The following GPR180 variants were observed in gnomAD, a reference collection of about 807,000 sequenced individuals.
The protein encoded by GPR180 is integral membrane protein GPR180.
GPR180 carries 53 observed loss-of-function variants against 52.6 expected under a neutral mutation model. The observed-to-expected ratio is 1.01, with a 90% CI of 0.81 to 1.27. The LOEUF is 1.27. Among genes scored for constraint, GPR180 ranks in the 50% most tolerant of loss-of-function variants. The pLI, the probability that GPR180 is intolerant of heterozygous loss-of-function variation, is 0.00. For missense variants in GPR180, 533 were observed against 527.0 expected (o/e 1.01, Z -0.11); for synonymous variants, 200 against 193.1 (o/e 1.04, Z -0.30).
At position 94,612,235 on chromosome 13, in the gene GPR180, C is replaced by A. The variant is rs778593410; in HGVS notation, c.350C>A (p.Pro117Gln). Residue 117 changes from proline (P) to glutamine (Q), a missense_variant, in exon 3 of 9, where the codon CCG (proline) becomes CAG (glutamine). Transcript: ENST00000376958. ...TEHNLTVSQIPSPQTWHVFYA... is the reference protein window; with the variant it reads ...TEHNLTVSQIQSPQTWHVFYA... ...CATAATCTGACAGTGTCCCAGATTC[C>A]GTCTCCACAAACGTGGCATGTGTTT... is the stretch of plus-strand genomic sequence containing the variant. The A allele has an allele frequency of 3.7e-6, 6 of 1,614,014 alleles. No individual in the cohort carries two copies. The highest frequency in any genetic ancestry group is 5.1e-6 in the Non-Finnish European group (6 of 1,180,004).
At chr13:94,619,648 A>G in intron 5 of GPR180, 131 bp downstream of exon 5, 1 of 734,696 alleles carries the variant, frequency 1.4e-6, no homozygotes, top group South Asian at 1.8e-5. Context: ...ACAGGATTAC[A>G]GTTTAAGTTC....
At chr13:94,611,598 C>T (rs986546004) in intron 2 of GPR180, among the ~76,000 whole-genome samples, 3 of 152,070 alleles carry the variant, frequency 2.0e-5, no homozygotes, top group African/African-American at 4.8e-5. Flanking sequence ...TGGCACTTTC[C>T]TCAAGAATGC....
intron 1 of GPR180, among the ~76,000 whole-genome samples, chr13:94,602,491 T>A (rs1311190010): frequency 6.6e-6 from 1 of 151,010 alleles, no homozygotes; most frequent in Non-Finnish European, 1.5e-5. Context: ...CCTTTTTTTT[T>A]TTTTTTTTTT....
At position 94,633,296 on chromosome 13, in the gene GPR180, G is replaced by C. The variant is rs1046247370; in HGVS notation, c.*6125G>C. 1.3e-5 allele frequency: 2 copies of C among 152,026 alleles called. No homozygotes were observed. The highest frequency in any genetic ancestry group is 1.3e-4 in the Admixed American group (2 of 15,268). 9.4% of individuals were successfully genotyped at this position (152,026 alleles called of 1,614,324 possible). A position where few individuals can be genotyped will look rare whatever the true frequency, so the allele number is the denominator to read the frequency against. The stretch of plus-strand genomic sequence containing the variant: ...AAGTTTGGCTTAACTTCAGGCAGTT[G>C]GTGTCAGAAGCCATTGCAAATATCC... On this transcript the variant is annotated 3_prime_UTR_variant, in exon 9 of 9. Transcript: ENST00000376958.
chr13:94,622,454 G>C (rs1251827891), intron 6 of GPR180, among the ~76,000 whole-genome samples: 2 of 152,076 alleles, frequency 1.3e-5, no homozygotes, highest in African/African-American at 4.8e-5. Flanking sequence ...TCTTCAACAA[G>C]CCAGACAAGG....
In GPR180 at chr13:94,630,631, C is replaced by G. The variant is rs1171516032; in HGVS notation, c.*3460C>G. Reference sequence around the variant, plus strand: ...GTACCACTCTCTCACACACATATCCCAGCCTCATTGTCCTTCATCAAAAAA... The same window carrying G: ...GTACCACTCTCTCACACACATATCCGAGCCTCATTGTCCTTCATCAAAAAA... On this transcript the variant is annotated 3_prime_UTR_variant, in exon 9 of 9. Coordinates refer to ENST00000376958, the MANE Select transcript of GPR180 (RefSeq NM_180989.6). 3 of 152,222 alleles carry G rather than the reference C, an allele frequency of 2.0e-5. No homozygotes were observed. Among genetic ancestry groups the G allele is most frequent in the African/African-American group, 7.2e-5 (3 of 41,444 alleles). The allele number at this position is 152,222 out of a possible 1,614,324, so 9.4% of individuals were successfully genotyped here.
At chr13:94,615,559 G>A (rs1427818421) in intron 3 of GPR180, among the ~76,000 whole-genome samples, 2 of 152,194 alleles carry the variant, frequency 1.3e-5, no homozygotes, top group Non-Finnish European at 2.9e-5. Flanking sequence ...TCAGGCAAGT[G>A]TGATGCCGAT....
At chr13:94,603,421 A>T (rs1889585994) in intron 1 of GPR180, among the ~76,000 whole-genome samples, 1 of 152,200 alleles carries the variant, frequency 6.6e-6, no homozygotes, top group Non-Finnish European at 1.5e-5. Context: ...CATGTACTAA[A>T]TTCAGATTTC....
Position 94,632,116 on chromosome 13 carries a change from T to C in GPR180, c.*4945T>C, listed in dbSNP as rs1370188368. ...CTCAGTAGACTCTTAAGAGATTTGT[T>C]GTTCAATGTATTCATGACAGTGACT... On this transcript the variant is annotated 3_prime_UTR_variant, in exon 9 of 9. Transcript: ENST00000376958. 1 of 152,204 alleles carries C rather than the reference T, an allele frequency of 6.6e-6. No homozygotes were observed. The highest frequency in any genetic ancestry group is 1.5e-5 in the Non-Finnish European group (1 of 68,032). 9.4% of individuals were successfully genotyped at this position (152,204 alleles called of 1,614,324 possible).
intron 1 of GPR180, among the ~76,000 whole-genome samples, chr13:94,602,611 G>A (rs1889574817): frequency 1.3e-5 from 2 of 151,700 alleles, no homozygotes; most frequent in South Asian, 4.2e-4. Flanking sequence ...TGGCTACTAG[G>A]GCAGTAGATT....
chr13:94,624,649 C>A (rs1038459333), intron 7 of GPR180, among the ~76,000 whole-genome samples: 1 of 152,136 alleles, frequency 6.6e-6, no homozygotes, highest in Non-Finnish European at 1.5e-5. Flanking sequence ...GCTCCGCCTT[C>A]CGGGTTCATG....
At chr13:94,625,071 C>G (rs561998529) in intron 7 of GPR180, among the ~76,000 whole-genome samples, 1 of 152,240 alleles carries the variant, frequency 6.6e-6, no homozygotes, top group Non-Finnish European at 1.5e-5. Context: ...GCCTCGGCCT[C>G]CCAAAATGTT....
rs1889717597 is a variant in GPR180 at position 94,612,306 on chromosome 13, G to A, written c.421G>A (p.Val141Met). The A allele has an allele frequency of 6.2e-7, 1 of 1,613,884 alleles. No homozygotes were observed. Among genetic ancestry groups the A allele is most frequent in the Non-Finnish European group, 8.5e-7 (1 of 1,179,760 alleles). Residue 141 changes from valine to methionine, a missense_variant, in exon 3 of 9, where the codon GTG becomes ATG. Coordinates refer to ENST00000376958, the MANE Select transcript of GPR180 (RefSeq NM_180989.6). ...TCQDDKENSQ[V>M]EDIPFEMVLL... ...CCAAGATGACAAGGAGAATTCTCAG[G>A]TGGAAGATATCCCATTTGAAATGGT...
At chr13:94,616,048 A>G (rs1336477139) in intron 3 of GPR180, among the ~76,000 whole-genome samples, 2 of 152,138 alleles carry the variant, frequency 1.3e-5, no homozygotes, top group Non-Finnish European at 2.9e-5. Flanking sequence ...TCCTCAGACT[A>G]TCAGTGTTGT....
chr13:94,619,013 T>TC, intron 3 of GPR180, 137 bp from the exon 4 acceptor site: 1 of 689,152 alleles, frequency 1.5e-6, no homozygotes, highest in East Asian at 2.8e-5. Flanking sequence ...TAATTTTTTT[T>TC]CTCTTACAAA....
intron 1 of GPR180, 23 bp downstream of exon 1, chr13:94,602,095 G>C (rs961934436): frequency 9.1e-6 from 12 of 1,315,962 alleles, no homozygotes; most frequent in Non-Finnish European, 1.2e-5. Context: ...GCGGGGAGGG[G>C]GATGAAGGCG....
chr13:94,619,585 G>A, intron 5 of GPR180, 68 bp downstream of exon 5: 1 of 1,307,470 alleles, frequency 7.6e-7, no homozygotes, highest in Non-Finnish European at 1.1e-6. Context: ...TTTATTTCTT[G>A]TCATAGTATA....
chr13:94,604,260 G>C (rs1316990405), intron 1 of GPR180, among the ~76,000 whole-genome samples: 1 of 152,094 alleles, frequency 6.6e-6, no homozygotes, highest in Non-Finnish European at 1.5e-5. Context: ...CTTGAACCGG[G>C]GAGGCGGAGG....
rs746822402 is a variant in GPR180 at position 94,609,034 on chromosome 13, CTA to C, written c.305-3155_305-3154del. On this transcript the variant is annotated intron_variant, in intron 2 of 8. Transcript: ENST00000376958. ...AAATGATGAGTTTATGTATTTCTAT[CTA>C]AAACTTAACGAGGAGATTCGGAGGA... Among the ~76,000 whole-genome samples, 11 of 152,264 alleles carry C rather than the reference CTA, an allele frequency of 7.2e-5. No homozygotes were observed. In the East Asian group the frequency reaches 1.3e-3, roughly 19 times the overall value.
Sources: allele counts gnomAD v4.1 joint callset (sites outside exome capture counted in the v4.1 genomes callset), GRCh38; gene constraint gnomAD v4.1.1; transcripts MANE v1.5; gene names NCBI Gene and HGNC (gene_info 2026-07-23, HGNC 2026-07-21).